The following KCNQ3 variants were observed in gnomAD, a reference collection of about 807,000 sequenced individuals.
KCNQ3 encodes the protein potassium voltage-gated channel subfamily Q member 3.
KCNQ3 carries 30 observed loss-of-function variants against 92.5 expected under a neutral mutation model. The ratio of observed to expected loss-of-function variants is 0.32; its 90% CI spans 0.24 to 0.44. The LOEUF (loss-of-function observed/expected upper bound fraction) is 0.44. Ranked by LOEUF, KCNQ3 falls within the 20% of genes least tolerant of loss-of-function variation. The pLI is 1.00. For missense variants in KCNQ3, 913 were observed against 1,140.3 expected (o/e 0.80, Z 2.87); for synonymous variants, 450 against 468.8 (o/e 0.96, Z 0.52).
intron 1 of KCNQ3, among the ~76,000 whole-genome samples, chr8:132,357,047 C>G (rs1293924246): frequency 2.0e-5 from 3 of 150,894 alleles, no homozygotes; most frequent in East Asian, 3.9e-4. Context: ...AAACTAAGGG[C>G]CTTGGAATTC....
At chr8:132,166,415 C>T (rs1351588630) in intron 8 of KCNQ3, among the ~76,000 whole-genome samples, 3 of 152,130 alleles carry the variant, frequency 2.0e-5, no homozygotes, top group African/African-American at 4.8e-5. Flanking sequence ...GTATAATCTG[C>T]CATCACTCCT....
At chr8:132,241,907 T>G (rs1006214880) in intron 1 of KCNQ3, among the ~76,000 whole-genome samples, 2 of 152,154 alleles carry the variant, frequency 1.3e-5, no homozygotes, top group Non-Finnish European at 2.9e-5. Context: ...TCTTATTTTT[T>G]GCAGAAATGA....
intron 1 of KCNQ3, among the ~76,000 whole-genome samples, chr8:132,249,893 G>A (rs1420693184): frequency 2.6e-5 from 4 of 152,202 alleles, no homozygotes; most frequent in Non-Finnish European, 5.9e-5. Context: ...GCAGCTCCTG[G>A]CCCAGGTACT....
At chr8:132,333,736 ATT>A (rs5895137) in intron 1 of KCNQ3, among the ~76,000 whole-genome samples, 76 of 145,378 alleles carry the variant, frequency 5.2e-4, no homozygotes, top group African/African-American at 5.8e-4. Context: ...TATGAAACAA[ATT>A]TTTTTTTTTT....
At chr8:132,328,897 C>T (rs1319048592) in intron 1 of KCNQ3, among the ~76,000 whole-genome samples, 1 of 152,140 alleles carries the variant, frequency 6.6e-6, no homozygotes, top group East Asian at 1.9e-4. Context: ...TTGTATCTCC[C>T]CAAAGTATTC....
At chr8:132,273,365 G>A (rs1015278127) in intron 1 of KCNQ3, among the ~76,000 whole-genome samples, 3 of 152,194 alleles carry the variant, frequency 2.0e-5, no homozygotes, top group Admixed American at 1.3e-4. Flanking sequence ...GCTGTACCTT[G>A]GCCCCTTTTA....
At chr8:132,132,108 GA>G (rs914490398) in intron 14 of KCNQ3, 71 bp downstream of exon 14, 7 of 1,036,040 alleles carry the variant, frequency 6.8e-6, no homozygotes, top group South Asian at 2.7e-5. Context: ...AAGAAAGAAA[GA>G]AAAAAAAGAA....
chr8:132,428,227 A>G (rs1821159520), intron 1 of KCNQ3, among the ~76,000 whole-genome samples: 1 of 147,000 alleles, frequency 6.8e-6, no homozygotes. Context: ...TTCTCCTACC[A>G]CCCCCTCCTC....
chr8:132,204,217 G>A (rs983204647), intron 1 of KCNQ3, among the ~76,000 whole-genome samples: 1 of 152,202 alleles, frequency 6.6e-6, no homozygotes, highest in Non-Finnish European at 1.5e-5. Flanking sequence ...GTGACTCTGG[G>A]CATGTCTGAG....
At chr8:132,430,956 TG>T (rs1338025811) in intron 1 of KCNQ3, among the ~76,000 whole-genome samples, 1 of 151,896 alleles carries the variant, frequency 6.6e-6, no homozygotes, top group African/African-American at 2.4e-5. Context: ...GCTGCCAACC[TG>T]GGGGTTCACT....
intron 1 of KCNQ3, among the ~76,000 whole-genome samples, chr8:132,281,572 A>T (rs1816518263): frequency 6.6e-6 from 1 of 151,232 alleles, no homozygotes; most frequent in Non-Finnish European, 1.5e-5. Context: ...ATATGAAATG[A>T]ATATGGACCT....
intron 1 of KCNQ3, among the ~76,000 whole-genome samples, chr8:132,230,721 T>C (rs1327490459): frequency 6.6e-6 from 1 of 152,242 alleles, no homozygotes; most frequent in Non-Finnish European, 1.5e-5. Flanking sequence ...GTTTCCAAAC[T>C]GATTTTGTGT....
intron 1 of KCNQ3, among the ~76,000 whole-genome samples, chr8:132,365,019 G>T (rs1819279825): frequency 6.6e-6 from 1 of 152,152 alleles, no homozygotes; most frequent in Non-Finnish European, 1.5e-5. Context: ...TGGTGACAGA[G>T]AATAGCAACA....
Position 132,129,122 on chromosome 8 carries a change from C to T in KCNQ3, c.*140G>A. On this transcript the variant is annotated 3_prime_UTR_variant, in exon 15 of 15. Coordinates refer to ENST00000388996, the MANE Select transcript of KCNQ3 (RefSeq NM_004519.4). This position sits in a 1 kb window ranked among gnomAD's most constrained non-coding sequence, Gnocchi z 5.9. ...GGGAGGAAGAGGCTGTGGGAAGCCC[C>T]TGCCTGGGTGGGGCCACCACGCACA... 1.0e-6 allele frequency: 1 copy of T among 976,948 alleles called. No homozygotes were observed. Among genetic ancestry groups the T allele is most frequent in the East Asian group, 2.4e-5 (1 of 41,050 alleles). The allele number at this position is 976,948 out of a possible 1,614,324, so 60.5% of individuals were successfully genotyped here. A position where few individuals can be genotyped will look rare whatever the true frequency, so the allele number is the denominator to read the frequency against.
At chr8:132,341,053 T>C (rs1456517397) in intron 1 of KCNQ3, among the ~76,000 whole-genome samples, 1 of 152,236 alleles carries the variant, frequency 6.6e-6, no homozygotes, top group Non-Finnish European at 1.5e-5. Context: ...ATGTGGTTGG[T>C]GGCTACAATA....
chr8:132,334,257 G>A (rs1356609483), intron 1 of KCNQ3, among the ~76,000 whole-genome samples: 4 of 151,904 alleles, frequency 2.6e-5, no homozygotes, highest in African/African-American at 9.7e-5. Flanking sequence ...CAGATCACTT[G>A]AGGTCAGGAG....
chr8:132,401,161 A>G (rs559030835), intron 1 of KCNQ3, among the ~76,000 whole-genome samples: 1 of 152,306 alleles, frequency 6.6e-6, no homozygotes, highest in African/African-American at 2.4e-5. Flanking sequence ...GGCTGCATCC[A>G]TGAACAAGGA....
chr8:132,221,168 A>G (rs1265734839), intron 1 of KCNQ3, among the ~76,000 whole-genome samples: 1 of 152,234 alleles, frequency 6.6e-6, no homozygotes, highest in Non-Finnish European at 1.5e-5. Flanking sequence ...ATGGCTGCAT[A>G]GTATTCCATC....
At chr8:132,337,214 C>A (rs941989333) in intron 1 of KCNQ3, among the ~76,000 whole-genome samples, 3 of 152,178 alleles carry the variant, frequency 2.0e-5, no homozygotes, top group African/African-American at 7.2e-5. Flanking sequence ...CTGAGCATGG[C>A]GGCTCATGCC....
Sources: gnomAD v4.1 joint callset for allele counts (sites outside exome capture counted in the v4.1 genomes callset) on GRCh38, gnomAD v4.1.1 for gene constraint, Gnocchi (gnomAD v3.1) non-coding constraint, MANE v1.5 for transcripts, NCBI Gene and HGNC (gene_info 2026-07-23, HGNC 2026-07-21) for gene names.